Variants in ADAM15 observed in about 807,000 individuals in gnomAD.
ADAM15 encodes the protein disintegrin and metalloproteinase domain-containing protein 15.
Under a neutral mutation model 113.8 loss-of-function variants are expected in ADAM15, and 77 were observed. The ratio of observed to expected loss-of-function variants is 0.68; its 90% CI spans 0.56 to 0.82. ADAM15 has a LOEUF of 0.82. Ranked by LOEUF, ADAM15 falls within the 40% of genes least tolerant of loss-of-function variation. The probability of loss-of-function intolerance (pLI) is 0.00; values close to 1 mark genes in which losing one functional copy is unlikely to be tolerated. For synonymous variants in ADAM15, 388 were observed against 454.1 expected, an observed-to-expected ratio of 0.85 and a Z score of 1.85; for missense variants, 963 against 1,120.1, an observed-to-expected ratio of 0.86 and a Z score of 2.00.
chr1:155,053,967 G>A lies in ADAM15; in HGVS notation c.321G>A (p.Val107=), dbSNP rs1405414484. 6 of 1,614,080 alleles carry A rather than the reference G, an allele frequency of 3.7e-6. No individual in the cohort carries two copies. Among genetic ancestry groups the A allele is most frequent in the African/African-American group, 2.7e-5 (2 of 74,928 alleles). The change falls in exon 4 of 23, where the codon GTG becomes GTA. Residue 107 remains valine, a synonymous_variant. Coordinates refer to ENST00000356955, the MANE Select transcript of ADAM15 (RefSeq NM_207197.3). ...LVWYQPDGTR[V]VSEGHTLENC... ...GGTACCAGCCCGATGGCACTCGGGT[G>A]GTCAGTGAGGGACACACTTTGGTGA...
In ADAM15 at chr1:155,061,703, T is replaced by G. The variant is rs975826478; in HGVS notation, c.2353-201T>G. Reference sequence around the variant, plus strand: ...CTGGTGGTCAATGGCGGGACTGCAGTCGGCCAGGGACTGCGGTTGACCTAC... The same window carrying G: ...CTGGTGGTCAATGGCGGGACTGCAGGCGGCCAGGGACTGCGGTTGACCTAC... On this transcript the variant is annotated intron_variant, in intron 20 of 22. Transcript: ENST00000356955. 5 of 771,588 alleles carry G rather than the reference T, an allele frequency of 6.5e-6. No homozygotes were observed. In the African/African-American group the frequency reaches 7.0e-5, roughly 11 times the overall value. 47.8% of individuals were successfully genotyped at this position (771,588 alleles called of 1,614,324 possible).
chr1:155,060,466 G>A (rs1287359456), intron 18 of ADAM15, 123 bp downstream of exon 18: 2 of 1,375,008 alleles, frequency 1.5e-6, no homozygotes, highest in Non-Finnish European at 1.0e-6. Flanking sequence ...TAAAGTTGCT[G>A]ACTGCCATAC....
At position 155,062,471 on chromosome 1, in the gene ADAM15, C is replaced by G; in HGVS notation, c.2561C>G (p.Pro854Arg). 1.2e-6 allele frequency: 2 copies of G among 1,613,424 alleles called. No individual in the cohort carries two copies. The highest frequency in any genetic ancestry group is 1.7e-4 in the Middle Eastern group (1 of 6,060). ...TTCCCGCAATCCAGACCAGCGCCAC[C>G]GCCTCCGACAGTGTCCTCGCTCTAC... ...PLVVPSRPAPPPPTVSSLYL is the reference protein window; with the variant it reads ...PLVVPSRPAPRPPTVSSLYL Residue 854 changes from proline to arginine, a missense_variant, in exon 23 of 23, where the codon CCG becomes CGG. By Grantham distance (103) the Pro-to-Arg change is moderately radical. Transcript: ENST00000356955. The surrounding 1 kb of genome is among the most constrained non-coding windows in gnomAD (Gnocchi z 7.0).
intron 18 of ADAM15, 81 bp downstream of exon 18, chr1:155,060,424 A>G: frequency 1.3e-6 from 2 of 1,577,210 alleles, no homozygotes; most frequent in Non-Finnish European, 1.7e-6. Context: ...AGCCCCTGCC[A>G]CCTGGTTCTG....
At position 155,055,865 on chromosome 1, in the gene ADAM15, G is replaced by GC; in HGVS notation, c.675+17dup. ...TGATCACTCGGAGGTGAGCCTGCTG[G>GC]CCCCTGCACATCCTCCTCCCCCTGC... On this transcript the variant is annotated intron_variant, in intron 7 of 22. Transcript: ENST00000356955. 2 of 1,614,178 alleles carry GC rather than the reference G, an allele frequency of 1.2e-6. No individual in the cohort carries two copies. The highest frequency in any genetic ancestry group is 1.1e-5 in the South Asian group (1 of 91,088).
In ADAM15 at chr1:155,058,786, G is replaced by T; in HGVS notation, c.1994G>T (p.Gly665Val). 1.2e-6 allele frequency: 2 copies of T among 1,610,976 alleles called. No individual in the cohort carries two copies. The highest frequency in any genetic ancestry group is 1.7e-6 in the Non-Finnish European group (2 of 1,178,038). ...TGTCGAAGCAAATGCCATGGACATGGGGTGAGCTGGGATGGGGGAAGTGGA... is the reference window on the plus strand; with the variant it reads ...TGTCGAAGCAAATGCCATGGACATGTGGTGAGCTGGGATGGGGGAAGTGGA... ...QECRSKCHGH[G>V]VCDSNRHCYC... The change falls in exon 16 of 23, where the codon GGG becomes GTG. Residue 665 changes from glycine to valine, a missense_variant and splice_region_variant. Transcript: ENST00000356955. The surrounding 1 kb of genome is among the most constrained non-coding windows in gnomAD (Gnocchi z 4.3).
intron 19 of ADAM15, chr1:155,061,079 G>A: frequency 1.7e-6 from 1 of 583,752 alleles, no homozygotes; most frequent in South Asian, 2.1e-5. Flanking sequence ...TGGCCAAGAG[G>A]TGGCTTTGAG....
In ADAM15 at chr1:155,057,995, C is replaced by T; in HGVS notation, c.1561C>T (p.His521Tyr). ...CGCTGGCGGGCAAGCTGTGTGCATG[C>T]ACGGGCGTTGTGCCTCCTATGCCCA... Reference protein sequence around the residue: ...PCAGGQAVCMHGRCASYAQQC... With the variant: ...PCAGGQAVCMYGRCASYAQQC... The change falls in exon 14 of 23, where the codon CAC becomes TAC. Residue 521 changes from histidine (H) to tyrosine (Y), a missense_variant. Transcript: ENST00000356955. The surrounding 1 kb of genome is among the most constrained non-coding windows in gnomAD (Gnocchi z 5.0). 6.2e-7 allele frequency: 1 copy of T among 1,613,534 alleles called. No individual in the cohort carries two copies. The highest frequency in any genetic ancestry group is 8.5e-7 in the Non-Finnish European group (1 of 1,180,044).
At position 155,062,011 on chromosome 1, in the gene ADAM15, C is replaced by T; in HGVS notation, c.2424+36C>T. The T allele has an allele frequency of 6.6e-7, 1 of 1,518,168 alleles. No homozygotes were observed. Among genetic ancestry groups the T allele is most frequent in the South Asian group, 1.3e-5 (1 of 76,926 alleles). 94.0% of individuals were successfully genotyped at this position (1,518,168 alleles called of 1,614,324 possible). ...GGGGAGAGAAGGGCACGGCCTCTCCCCCCACCTAGGGCTGTGGTGCTGGTA... is the reference window on the plus strand; with the variant it reads ...GGGGAGAGAAGGGCACGGCCTCTCCTCCCACCTAGGGCTGTGGTGCTGGTA... On this transcript the variant is annotated intron_variant, in intron 21 of 22. Coordinates refer to ENST00000356955, the MANE Select transcript of ADAM15 (RefSeq NM_207197.3). The surrounding 1 kb of genome is among the most constrained non-coding windows in gnomAD (Gnocchi z 7.0).
At chr1:155,059,500 A>C (rs1268805229) in intron 16 of ADAM15, among the ~76,000 whole-genome samples, 1 of 152,166 alleles carries the variant, frequency 6.6e-6, no homozygotes, top group Non-Finnish European at 1.5e-5. Context: ...CTGCTGGTGC[A>C]CACCTATGCT....
At position 155,056,215 on chromosome 1, in the gene ADAM15, C is replaced by A; in HGVS notation, c.880C>A (p.Pro294Thr). The A allele has an allele frequency of 6.2e-7, 1 of 1,614,012 alleles. No individual in the cohort carries two copies. Among genetic ancestry groups the A allele is most frequent in the Non-Finnish European group, 8.5e-7 (1 of 1,180,024 alleles). The change falls in exon 9 of 23, where the codon CCT becomes ACT. Residue 294 changes from proline to threonine, a missense_variant. By Grantham distance (38) the Pro-to-Thr change is conservative (BLOSUM62 -1). Transcript: ENST00000356955. This position sits in a 1 kb window ranked among gnomAD's most constrained non-coding sequence, Gnocchi z 4.0. ...CCACTGGCGCAGGGCACATTTGCTG[C>A]CTCGATTGCCCCATGACAGTGCCCA... ...FLHWRRAHLL[P>T]RLPHDSAQLV...
intron 6 of ADAM15, chr1:155,055,287 A>G (rs10158328): frequency 0.47 from 72,405 of 153,116 alleles, 18,159 homozygotes; most frequent in Non-Finnish European, 0.53. Flanking sequence ...GTGCAGTGGC[A>G]TGATCTCGGC....
intron 2 of ADAM15, 46 bp from the exon 3 acceptor site, chr1:155,053,371 G>A (rs1661346420): frequency 3.2e-6 from 5 of 1,574,072 alleles, no homozygotes; most frequent in Admixed American, 1.7e-5. Flanking sequence ...GAGGCTGGGA[G>A]TTGTGGACAG....
At position 155,061,580 on chromosome 1, in the gene ADAM15, G is replaced by A. The variant is rs1553266623; in HGVS notation, c.2352+91G>A. ...CTCATCCCTGCTCCCTGCCAGTGGTGCTCTTCATTAGGTGATCGGGGTGCC... is the reference window on the plus strand; with the variant it reads ...CTCATCCCTGCTCCCTGCCAGTGGTACTCTTCATTAGGTGATCGGGGTGCC... On this transcript the variant is annotated intron_variant, in intron 20 of 22. Coordinates refer to ENST00000356955, the MANE Select transcript of ADAM15 (RefSeq NM_207197.3). The A allele has an allele frequency of 2.8e-5, 39 of 1,377,688 alleles. 1 individual carries two copies. In the East Asian group the frequency reaches 8.7e-4, roughly 31 times the overall value. The allele number at this position is 1,377,688 out of a possible 1,614,324, so 85.3% of individuals were successfully genotyped here.
rs1291121312 is a variant in ADAM15, at chr1:155,055,032, G to C, written c.612+526G>C. Among the ~76,000 whole-genome samples the C allele has an allele frequency of 8.6e-5, 13 of 152,028 alleles. 1 individual carries two copies. The highest frequency in any genetic ancestry group is 8.5e-4 in the Admixed American group (13 of 15,260). The stretch of plus-strand genomic sequence containing the variant: ...TGCAGAGAGCTCTCACTTGGTTATA[G>C]ATAATACATAGTTACCAATGATGAA... On this transcript the variant is annotated intron_variant, in intron 6 of 22. Coordinates refer to ENST00000356955, the MANE Select transcript of ADAM15 (RefSeq NM_207197.3).
Position 155,062,326 on chromosome 1 carries a change from C to T in ADAM15, c.2506C>T (p.Pro836Ser). Reference protein sequence around the residue: ...PQGRCPSGDLPGPGAGIPPLV... With the variant: ...PQGRCPSGDLSGPGAGIPPLV... ...GGGCCGGTGCCCATCGGGTGACCTG[C>T]CCGGCCCAGGGGCTGGAATCCCGCC... The change falls in exon 22 of 23, where the codon CCC becomes TCC. Residue 836 changes from proline (P) to serine (S), a missense_variant. Pro to Ser is a moderately conservative substitution (Grantham distance 74). Coordinates refer to ENST00000356955, the MANE Select transcript of ADAM15 (RefSeq NM_207197.3). The surrounding 1 kb of genome is among the most constrained non-coding windows in gnomAD (Gnocchi z 7.0). 2 of 1,536,882 alleles carry T rather than the reference C, an allele frequency of 1.3e-6. No individual in the cohort carries two copies. Among genetic ancestry groups the T allele is most frequent in the Non-Finnish European group, 8.8e-7 (1 of 1,138,864 alleles).
intron 3 of ADAM15, 140 bp from the exon 4 acceptor site, chr1:155,053,770 C>T: frequency 1.0e-6 from 1 of 956,010 alleles, no homozygotes; most frequent in Non-Finnish European, 1.6e-6. Flanking sequence ...GTATACTTTG[C>T]TGCCCCGGGG....
rs77493382 is a variant in ADAM15, at chr1:155,058,414, G to T, written c.1890G>T (p.Leu630=). 1.3e-4 allele frequency: 202 copies of T among 1,612,600 alleles called. No homozygotes were observed. In the African/African-American group the frequency reaches 2.5e-3, roughly 20 times the overall value. The change falls in exon 15 of 23, where the codon CTG becomes CTT. Residue 630 remains leucine (L), a synonymous_variant. Transcript: ENST00000356955. The surrounding 1 kb of genome is among the most constrained non-coding windows in gnomAD (Gnocchi z 4.3). ...GSDVAQPLLT[L]PGTACGPGLV... is the part of the protein sequence containing the mutation. ...ATGTGGCCCAGCCCCTCCTGACTCT[G>T]CCTGGCACAGCCTGTGGCCCTGGCC...
intron 16 of ADAM15, among the ~76,000 whole-genome samples, chr1:155,059,667 A>G (rs548782740): frequency 6.6e-6 from 1 of 152,238 alleles, no homozygotes; most frequent in South Asian, 2.1e-4. Context: ...AACAAAACAA[A>G]ACAAACACAA....
Sources: allele counts gnomAD v4.1 joint callset (sites outside exome capture counted in the v4.1 genomes callset), GRCh38; gene constraint gnomAD v4.1.1; non-coding constraint Gnocchi (gnomAD v3.1); transcripts MANE v1.5; gene names NCBI Gene and HGNC (gene_info 2026-07-23, HGNC 2026-07-21).